SEL1L3: variants seen among roughly 807,000 people sequenced by gnomAD.
SEL1L3 encodes SEL1L family member 3, also known as protein sel-1 homolog 3.
Under a neutral mutation model 142.8 loss-of-function variants are expected in SEL1L3, and 76 were observed. The observed-to-expected ratio is 0.53, with a 90% CI of 0.44 to 0.64. The LOEUF (loss-of-function observed/expected upper bound fraction) is 0.64, where lower values mean the gene tolerates loss of function less well. Among genes scored for constraint, SEL1L3 ranks in the 30% least tolerant of loss-of-function variants. The pLI is 0.00. For missense variants in SEL1L3, 1,262 were observed against 1,381.7 expected (o/e 0.91, Z 1.37); for synonymous variants, 504 against 519.6 (o/e 0.97, Z 0.41).
intron 17 of SEL1L3, chr4:25,773,232 A>G (rs1245641074): frequency 1.3e-5 from 2 of 152,224 alleles, no homozygotes; most frequent in East Asian, 1.9e-4. Flanking sequence ...ATATATTCAT[A>G]TATAGCAAAA....
chr4:25,823,253 C>T (rs932331783), intron 6 of SEL1L3, among the ~76,000 whole-genome samples: 21 of 152,284 alleles, frequency 1.4e-4, no homozygotes, highest in East Asian at 3.9e-4. Flanking sequence ...TGGTGGCTCA[C>T]GCCTGTAATC....
At chr4:25,761,056 C>T (rs1050218676) in intron 20 of SEL1L3, among the ~76,000 whole-genome samples, 2 of 152,002 alleles carry the variant, frequency 1.3e-5, no homozygotes, top group Non-Finnish European at 2.9e-5. Flanking sequence ...ATAGATGAAG[C>T]GTTAAGTATC....
chr4:25,833,414 C>A, intron 4 of SEL1L3, 34 bp downstream of exon 4: 2 of 1,589,240 alleles, frequency 1.3e-6, no homozygotes, highest in Non-Finnish European at 1.7e-6. Flanking sequence ...TACAAAATTA[C>A]AATATCATTT....
intron 5 of SEL1L3, 69 bp from the exon 6 acceptor site, chr4:25,830,225 T>A: frequency 1.0e-6 from 1 of 966,708 alleles, no homozygotes; most frequent in South Asian, 1.4e-5. Context: ...CAGTCCTTTG[T>A]GTAAATTACT....
chr4:25,838,471 T>A (rs1279973418), intron 2 of SEL1L3, among the ~76,000 whole-genome samples: 1 of 152,226 alleles, frequency 6.6e-6, no homozygotes, highest in East Asian at 1.9e-4. Context: ...AGCTCTAATA[T>A]GACTCAAACC....
At chr4:25,798,543 G>A (rs1560310083) in intron 11 of SEL1L3, among the ~76,000 whole-genome samples, 1 of 152,146 alleles carries the variant, frequency 6.6e-6, no homozygotes, top group Admixed American at 6.5e-5. Flanking sequence ...GAAAGACCAG[G>A]ACGGCTGGGC....
intron 11 of SEL1L3, among the ~76,000 whole-genome samples, chr4:25,794,211 G>T (rs1052688000): frequency 1.3e-5 from 2 of 152,120 alleles, no homozygotes; most frequent in East Asian, 3.8e-4. Context: ...CACTGCAAAA[G>T]AAACTATCAT....
intron 9 of SEL1L3, among the ~76,000 whole-genome samples, chr4:25,817,092 C>T (rs1226577740): frequency 6.6e-6 from 1 of 152,202 alleles, no homozygotes; most frequent in Non-Finnish European, 1.5e-5. Flanking sequence ...TGAAGTCTAG[C>T]CAAGCAACTG....
intron 17 of SEL1L3, among the ~76,000 whole-genome samples, chr4:25,769,469 G>C (rs903279802): frequency 2.6e-5 from 4 of 152,180 alleles, no homozygotes; most frequent in African/African-American, 9.6e-5. Context: ...CAGATAACAA[G>C]CCTCCAAGTG....
intron 6 of SEL1L3, among the ~76,000 whole-genome samples, chr4:25,826,716 G>T (rs551666790): frequency 3.8e-4 from 58 of 152,218 alleles, no homozygotes; most frequent in African/African-American, 1.2e-3. Context: ...TTGTGGCAGG[G>T]TCTCGCTCTG....
In SEL1L3 at chr4:25,858,619, C is replaced by T. The variant is rs192257826; in HGVS notation, c.162+4056G>A. Reference sequence around the variant, plus strand: ...TTGTTTGTTTTGAGACAGAGTCTCACTCTGTCGCCAGGCTGGAGTGCAGCG... The same window carrying T: ...TTGTTTGTTTTGAGACAGAGTCTCATTCTGTCGCCAGGCTGGAGTGCAGCG... On this transcript the variant is annotated intron_variant, in intron 1 of 23. Coordinates refer to ENST00000399878, the MANE Select transcript of SEL1L3 (RefSeq NM_015187.5). Among the ~76,000 whole-genome samples the T allele has an allele frequency of 2.4e-4, 37 of 152,162 alleles. No homozygotes were observed. In the East Asian group the frequency reaches 6.2e-3, roughly 25 times the overall value.
intron 11 of SEL1L3, among the ~76,000 whole-genome samples, chr4:25,801,252 A>T (rs985836302): frequency 6.6e-6 from 1 of 152,218 alleles, no homozygotes; most frequent in Non-Finnish European, 1.5e-5. Context: ...AAAATAAAAA[A>T]ATTAGCTGGG....
intron 12 of SEL1L3, among the ~76,000 whole-genome samples, chr4:25,789,730 G>T (rs1053158292): frequency 6.6e-6 from 1 of 152,024 alleles, no homozygotes; most frequent in Non-Finnish European, 1.5e-5. Context: ...CACTCACAGG[G>T]AGCACTAAGC....
intron 1 of SEL1L3, among the ~76,000 whole-genome samples, chr4:25,855,647 G>A (rs1184921638): frequency 1.3e-5 from 2 of 152,150 alleles, no homozygotes; most frequent in Non-Finnish European, 1.5e-5. Context: ...GGTAATCCCA[G>A]CTACCTGGGA....
chr4:25,770,640 T>G (rs1719095326), intron 17 of SEL1L3: 1 of 149,400 alleles, frequency 6.7e-6, no homozygotes, highest in Non-Finnish European at 1.5e-5. Flanking sequence ...CTTGGGAGGC[T>G]GAGGCAGGAG....
the SEL1L3 span, among the ~76,000 whole-genome samples, chr4:25,731,808 C>T: frequency 2.6e-5 from 4 of 152,146 alleles, no homozygotes; most frequent in African/African-American, 7.2e-5. Context: ...TGCAGTGGCT[C>T]ATGCGTGTAA....
chr4:25,756,492 C>G, intron 23 of SEL1L3: 1 of 984,304 alleles, frequency 1.0e-6, no homozygotes, highest in Non-Finnish European at 1.2e-6. Context: ...TTTTTTTTCA[C>G]TTAATATTTT....
intron 11 of SEL1L3, among the ~76,000 whole-genome samples, chr4:25,798,439 G>C (rs113002764): frequency 6.6e-6 from 1 of 151,780 alleles, no homozygotes; most frequent in Admixed American, 6.6e-5. Context: ...GGTGGATTCC[G>C]TGCAGAGATG....
chr4:25,761,140 CTT>C (rs1462729795), intron 20 of SEL1L3, among the ~76,000 whole-genome samples: 1 of 152,116 alleles, frequency 6.6e-6, no homozygotes, highest in African/African-American at 2.4e-5. Flanking sequence ...GGAAGGCACT[CTT>C]AAAATTTGAG....
Sources: gnomAD v4.1 joint callset for allele counts (sites outside exome capture counted in the v4.1 genomes callset) on GRCh38, gnomAD v4.1.1 for gene constraint, MANE v1.5 for transcripts, NCBI Gene and HGNC (gene_info 2026-07-23, HGNC 2026-07-21) for gene names.